Variants in SRSF3 observed in about 807,000 individuals in gnomAD.
The protein encoded by SRSF3 is serine/arginine-rich splicing factor 3.
For missense variants in SRSF3, 58 were observed against 217.1 expected (o/e 0.27, Z 4.61); for synonymous variants, 87 against 73.6 (o/e 1.18, Z -0.93).
At chr6:36,601,024 TTTG>T in intron 3 of SRSF3, 125 bp from the exon 4 acceptor site, 2 of 356,618 alleles carry the variant, frequency 5.6e-6, no homozygotes, top group Non-Finnish European at 4.8e-6. Context: ...TTTTTTTTTT[TTTG>T]GACGATGGGT....
chr6:36,601,856 C>G, intron 5 of SRSF3, 62 bp downstream of exon 5: 3 of 1,596,298 alleles, frequency 1.9e-6, no homozygotes, highest in Non-Finnish European at 2.6e-6. Context: ...GGCCTGTCTT[C>G]TAAGCCATAA....
chr6:36,600,087 C>T, intron 3 of SRSF3: 1 of 1,170,198 alleles, frequency 8.5e-7, no homozygotes, highest in South Asian at 1.7e-5. Context: ...TGTTTATTTA[C>T]CAAATGTCTT....
rs1053459235 is a variant in SRSF3 at position 36,596,849 on chromosome 6, T to C, written c.87T>C (p.Ala29=). ...NNGNKTELER[A]FGYYGPLRSV... ...GCAACAAGACGGAATTGGAACGGGC[T>C]TTTGGCTACTATGGACCACTCCGAA... The change falls in exon 2 of 6, where the codon GCT becomes GCC. Residue 29 remains alanine, a synonymous_variant. Transcript: ENST00000373715. 18 of 1,614,012 alleles carry C rather than the reference T, an allele frequency of 1.1e-5. No homozygotes were observed. The East Asian group carries it at 4.0e-4, about 36-fold the overall frequency.
At chr6:36,598,606 A>T (rs565771125) in intron 2 of SRSF3, 87 of 419,702 alleles carry the variant, frequency 2.1e-4, no homozygotes, top group Middle Eastern at 1.3e-3. Flanking sequence ...ATAGTGTCGA[A>T]CTCTTGACCT....
chr6:36,604,949 T>C lies in SRSF3; in HGVS notation c.*2960T>C, dbSNP rs1489347069. ...TCATACCTAGTTGGTGGTAATTTCT[T>C]AGTTGTATATTTTTGTACTACCAGA... On this transcript the variant is annotated 3_prime_UTR_variant, in exon 6 of 6. Transcript: ENST00000373715. 1 of 152,206 alleles carries C rather than the reference T, an allele frequency of 6.6e-6. No homozygotes were observed. Among genetic ancestry groups the C allele is most frequent in the African/African-American group, 2.4e-5 (1 of 41,450 alleles). The allele number at this position is 152,206 out of a possible 1,614,324, so 9.4% of individuals were successfully genotyped here.
chr6:36,596,576 G>C (rs75951603), intron 1 of SRSF3, among the ~76,000 whole-genome samples, 185 bp from the exon 2 acceptor site: 1 of 20,690 alleles, frequency 4.8e-5, no homozygotes, highest in East Asian at 1.4e-3. Flanking sequence ...CGGGGTGGCG[G>C]GGGGGGGGAA....
chr6:36,597,970 C>T (rs907128227), intron 2 of SRSF3, among the ~76,000 whole-genome samples: 1 of 152,166 alleles, frequency 6.6e-6, no homozygotes, highest in East Asian at 1.9e-4. Flanking sequence ...GCTGGGATTA[C>T]AGGCATGAGC....
intron 4 of SRSF3, 90 bp from the exon 5 acceptor site, chr6:36,601,618 A>G: frequency 1.6e-6 from 2 of 1,222,226 alleles, no homozygotes; most frequent in Non-Finnish European, 2.3e-6. Context: ...TATTGGAATT[A>G]TTGGCATGAG....
chr6:36,597,758 A>T (rs1341794279), intron 2 of SRSF3, among the ~76,000 whole-genome samples: 1 of 150,456 alleles, frequency 6.6e-6, no homozygotes, highest in Non-Finnish European at 1.5e-5. Flanking sequence ...ATGATAGCTT[A>T]TCTAAATTTA....
chr6:36,600,147 C>A, intron 3 of SRSF3: 1 of 1,076,364 alleles, frequency 9.3e-7, no homozygotes, highest in Non-Finnish European at 1.1e-6. Flanking sequence ...CAGGAAAAAT[C>A]CACAACACCC....
At chr6:36,598,661 C>T (rs1185425401) in intron 2 of SRSF3, 188 bp from the exon 3 acceptor site, 9 of 613,998 alleles carry the variant, frequency 1.5e-5, no homozygotes, top group East Asian at 8.9e-5. Flanking sequence ...GGATTACAGG[C>T]GTGTACCACC....
rs1369979668 is a variant in SRSF3 at position 36,602,398 on chromosome 6, T to G, written c.*409T>G. 1 of 237,640 alleles carries G rather than the reference T, an allele frequency of 4.2e-6. No individual in the cohort carries two copies. The highest frequency in any genetic ancestry group is 8.2e-6 in the Non-Finnish European group (1 of 121,882). 14.7% of individuals were successfully genotyped at this position (237,640 alleles called of 1,614,324 possible). On this transcript the variant is annotated 3_prime_UTR_variant, in exon 6 of 6. Coordinates refer to ENST00000373715, the MANE Select transcript of SRSF3 (RefSeq NM_003017.5). ...GCTGGGATATAGGCTGCAGCTATAG[T>G]TGAACAAGCAGTCTTTAAAAACTGC...
chr6:36,601,017 T>C lies in SRSF3; in HGVS notation c.342-135T>C, dbSNP rs1245897310. On this transcript the variant is annotated intron_variant, in intron 3 of 5. Transcript: ENST00000373715. ...CTTTTTTTTCTTTTTTTTTTTTTTT[T>C]TTTTTTTTTGGACGATGGGTGCCAG... The C allele has an allele frequency of 4.1e-5, 13 of 317,820 alleles. 1 individual carries two copies. The highest frequency in any genetic ancestry group is 1.7e-4 in the Admixed American group (3 of 18,038). The allele number at this position is 317,820 out of a possible 1,614,324, so 19.7% of individuals were successfully genotyped here. A position where few individuals can be genotyped will look rare whatever the true frequency, so the allele number is the denominator to read the frequency against.
At chr6:36,596,181 C>G (rs908683909) in intron 1 of SRSF3, among the ~76,000 whole-genome samples, 5 of 152,116 alleles carry the variant, frequency 3.3e-5, no homozygotes, top group African/African-American at 9.7e-5. Context: ...CTCGGCTTCC[C>G]AAAAGTTCTG....
chr6:36,603,660 T>C lies in SRSF3; in HGVS notation c.*1671T>C, dbSNP rs918085280. ...GTTAAGCATGTTCAAGAAAGACACT[T>C]TTCAGACAGCCTGTTTATTTACTGA... On this transcript the variant is annotated 3_prime_UTR_variant, in exon 6 of 6. Transcript: ENST00000373715. 4.3e-6 allele frequency: 1 copy of C among 230,242 alleles called. No homozygotes were observed. Among genetic ancestry groups the C allele is most frequent in the African/African-American group, 2.2e-5 (1 of 45,192 alleles). The allele number at this position is 230,242 out of a possible 1,614,324, so 14.3% of individuals were successfully genotyped here.
In SRSF3 at chr6:36,604,300, TTTGA is replaced by T; in HGVS notation, c.*2315_*2318del. 4.7e-6 allele frequency: 1 copy of T among 213,694 alleles called. No individual in the cohort carries two copies. Among genetic ancestry groups the T allele is most frequent in the Non-Finnish European group, 9.5e-6 (1 of 105,668 alleles). 13.2% of individuals were successfully genotyped at this position (213,694 alleles called of 1,614,324 possible). A position where few individuals can be genotyped will look rare whatever the true frequency, so the allele number is the denominator to read the frequency against. Reference sequence around the variant, plus strand: ...ATGTAAAGAAACATTAAGGATTATATTTGATTGTTTTCAAAGACACTGGCTGGAT... The same window carrying T: ...ATGTAAAGAAACATTAAGGATTATATTTGTTTTCAAAGACACTGGCTGGAT... On this transcript the variant is annotated 3_prime_UTR_variant, in exon 6 of 6. Coordinates refer to ENST00000373715, the MANE Select transcript of SRSF3 (RefSeq NM_003017.5).
rs536143551 is a variant in SRSF3, at chr6:36,604,596, A to G, written c.*2607A>G. On this transcript the variant is annotated 3_prime_UTR_variant, in exon 6 of 6. Transcript: ENST00000373715. ...TTTGAGTATCTTAGAGATCCTTACA[A>G]ACGTGATCCCGTCAGCGTCCATGAC... The G allele has an allele frequency of 1.3e-3, 224 of 171,640 alleles. 1 individual carries two copies. The highest frequency in any genetic ancestry group is 5.1e-3 in the African/African-American group (216 of 42,132). 10.6% of individuals were successfully genotyped at this position (171,640 alleles called of 1,614,324 possible).
intron 4 of SRSF3, 162 bp from the exon 5 acceptor site, chr6:36,601,546 G>A: frequency 1.5e-6 from 1 of 671,758 alleles, no homozygotes; most frequent in South Asian, 2.1e-5. Context: ...ATCTCACTTT[G>A]TTGTCCAATC....
At chr6:36,594,662 G>A (rs1243134429) in intron 1 of SRSF3, 181 bp downstream of exon 1, 1 of 152,302 alleles carries the variant, frequency 6.6e-6, no homozygotes, top group African/African-American at 2.4e-5. Flanking sequence ...TGGAGTGGAA[G>A]TCTTTATATT....
Sources: gnomAD v4.1 joint callset for allele counts (sites outside exome capture counted in the v4.1 genomes callset) on GRCh38, gnomAD v4.1.1 for gene constraint, MANE v1.5 for transcripts, NCBI Gene and HGNC (gene_info 2026-07-23, HGNC 2026-07-21) for gene names.